The following MYT1L variants were observed in gnomAD, a reference collection of about 807,000 sequenced individuals.
MYT1L encodes the protein myelin transcription factor 1 like, also known as myelin transcription factor 1-like protein.
In MYT1L, 12 loss-of-function variants were observed where a neutral mutation model predicts 126.7. The observed-to-expected ratio is 0.09, with a 90% CI of 0.06 to 0.15. MYT1L has a LOEUF of 0.15. Ranked by LOEUF, MYT1L falls within the 10% of genes least tolerant of loss-of-function variation. The pLI is 1.00. For synonymous variants in MYT1L, 541 were observed against 604.2 expected, an observed-to-expected ratio of 0.90 and a Z score of 1.53; for missense variants, 979 against 1,585.2, an observed-to-expected ratio of 0.62 and a Z score of 6.49.
intron 18 of MYT1L, among the ~76,000 whole-genome samples, chr2:1,879,475 G>A (rs537255913): frequency 3.5e-4 from 54 of 152,192 alleles, no homozygotes; most frequent in African/African-American, 1.3e-3. Flanking sequence ...CCACTCCAGA[G>A]GAGCCCAGAA....
intron 18 of MYT1L, among the ~76,000 whole-genome samples, chr2:1,870,153 A>C (rs1358799031): frequency 6.6e-6 from 1 of 152,172 alleles, no homozygotes; most frequent in African/African-American, 2.4e-5. Context: ...TCTGCATTGA[A>C]ACTATTCATT....
rs189739777 is a variant in MYT1L, at chr2:1,897,464, G to A, written c.2033-5177C>T. Among the ~76,000 whole-genome samples, 85 of 146,182 alleles carry A rather than the reference G, an allele frequency of 5.8e-4. 1 individual carries two copies. In the East Asian group the frequency reaches 0.015, roughly 26 times the overall value. ...CGCAAACAAAACTTTTTTTTTTTTTGTTTGTTTGTTTGTTTTGAGATGGAG... is the reference window on the plus strand; with the variant it reads ...CGCAAACAAAACTTTTTTTTTTTTTATTTGTTTGTTTGTTTTGAGATGGAG... On this transcript the variant is annotated intron_variant, in intron 14 of 24. Coordinates refer to ENST00000647738, the MANE Select transcript of MYT1L (RefSeq NM_001303052.2).
At chr2:2,292,788 A>G (rs1394751471) in intron 1 of MYT1L, among the ~76,000 whole-genome samples, 2 of 152,164 alleles carry the variant, frequency 1.3e-5, no homozygotes, top group African/African-American at 4.8e-5. Context: ...GACGTATTGG[A>G]TAAACTGTAT....
Position 1,877,145 on chromosome 2 carries a change from G to C in MYT1L, c.2711+9394C>G, listed in dbSNP as rs567244008. 2.6e-5 allele frequency among the ~76,000 whole-genome samples: 4 copies of C among 152,348 alleles called. No individual in the cohort carries two copies. The East Asian group carries it at 7.7e-4, about 29-fold the overall frequency. On this transcript the variant is annotated intron_variant, in intron 18 of 24. Transcript: ENST00000647738. ...CTCTGGGGAGACCCCCGTGGTTGCA[G>C]CTGCATAGGTGAGGAAGGAGCCCTC...
chr2:1,821,363 G>A (rs2038500335), intron 21 of MYT1L, among the ~76,000 whole-genome samples: 1 of 151,180 alleles, frequency 6.6e-6, no homozygotes, highest in African/African-American at 2.4e-5. Flanking sequence ...TATAATTTAT[G>A]GGACATTACC....
At chr2:1,895,253 A>G (rs34129061) in intron 14 of MYT1L, among the ~76,000 whole-genome samples, 7,157 of 152,338 alleles carry the variant, frequency 0.047, 198 homozygotes, top group African/African-American at 0.054. Flanking sequence ...AATTGGAAGA[A>G]TCAATATTGT....
At chr2:1,899,251 G>C (rs1008213418) in intron 14 of MYT1L, among the ~76,000 whole-genome samples, 4 of 152,260 alleles carry the variant, frequency 2.6e-5, no homozygotes, top group African/African-American at 9.6e-5. Context: ...TGCACTGTGG[G>C]AGCAACCGCA....
intron 9 of MYT1L, among the ~76,000 whole-genome samples, chr2:1,942,203 T>A (rs982923279): frequency 1.3e-5 from 2 of 152,062 alleles, no homozygotes; most frequent in African/African-American, 4.8e-5. Flanking sequence ...ACCACAAAAC[T>A]CCCACCTCTT....
chr2:2,212,659 C>A (rs775225022), intron 2 of MYT1L, among the ~76,000 whole-genome samples: 22 of 152,170 alleles, frequency 1.4e-4, no homozygotes, highest in Non-Finnish European at 2.9e-4. Context: ...TTCCTCCTCA[C>A]TTTTTACTTC....
chr2:2,293,231 GC>G (rs2095624836), intron 1 of MYT1L, among the ~76,000 whole-genome samples: 1 of 152,150 alleles, frequency 6.6e-6, no homozygotes, highest in African/African-American at 2.4e-5. Context: ...AATCCAAAGG[GC>G]TGAGGGATAA....
intron 1 of MYT1L, among the ~76,000 whole-genome samples, chr2:2,295,751 GAGAC>G (rs756813873): frequency 0.22 from 18,296 of 83,356 alleles, 2,947 homozygotes; most frequent in Non-Finnish European, 0.35. Flanking sequence ...CAGAGAGAGA[GAGAC>G]AGACAGACAG....
intron 20 of MYT1L, among the ~76,000 whole-genome samples, chr2:1,840,273 C>G (rs1366816385): frequency 6.6e-6 from 1 of 152,076 alleles, no homozygotes; most frequent in Non-Finnish European, 1.5e-5. Flanking sequence ...ACAAACACCC[C>G]CTTGGGCAGC....
At chr2:2,129,766 T>C (rs1009235730) in intron 3 of MYT1L, among the ~76,000 whole-genome samples, 9 of 151,558 alleles carry the variant, frequency 5.9e-5, no homozygotes, top group African/African-American at 2.2e-4. Context: ...ATTAGCCAGG[T>C]GTGGTGGCGG....
chr2:2,128,101 G>C lies in MYT1L; in HGVS notation c.-304+44771C>G, dbSNP rs1264156845. Among the ~76,000 whole-genome samples, 2 of 152,148 alleles carry C rather than the reference G, an allele frequency of 1.3e-5. 1 individual carries two copies. The highest frequency in any genetic ancestry group is 2.9e-5 in the Non-Finnish European group (2 of 68,028). On this transcript the variant is annotated intron_variant, in intron 3 of 24. Transcript: ENST00000647738. ...TCCTGACGTTAAGAAAGATAGTGAT[G>C]CAAACCAGAAAGGTCACCAGCTCTG...
intron 3 of MYT1L, among the ~76,000 whole-genome samples, chr2:2,107,642 T>C (rs968450468): frequency 1.3e-5 from 2 of 152,160 alleles, no homozygotes; most frequent in Admixed American, 6.5e-5. Context: ...TTTGTCTCCA[T>C]TGTACTTGGC....
intron 2 of MYT1L, among the ~76,000 whole-genome samples, chr2:2,245,693 C>G (rs2094521093): frequency 6.6e-6 from 1 of 152,018 alleles, no homozygotes; most frequent in Non-Finnish European, 1.5e-5. Context: ...CTCCAGGACT[C>G]TACAGGGCTC....
chr2:1,854,940 C>G (rs1332462717), intron 18 of MYT1L, among the ~76,000 whole-genome samples: 1 of 152,200 alleles, frequency 6.6e-6, no homozygotes, highest in Non-Finnish European at 1.5e-5. Context: ...CTGGCTGTGT[C>G]TCCCTGAGAT....
rs542471285 is a variant in MYT1L at position 1,910,166 on chromosome 2, G to T, written c.1817+74C>A. 1.5e-6 allele frequency: 2 copies of T among 1,346,516 alleles called. No homozygotes were observed. Among genetic ancestry groups the T allele is most frequent in the South Asian group, 1.2e-5 (1 of 82,636 alleles). 83.4% of individuals were successfully genotyped at this position (1,346,516 alleles called of 1,614,324 possible). A position where few individuals can be genotyped will look rare whatever the true frequency, so the allele number is the denominator to read the frequency against. On this transcript the variant is annotated intron_variant, in intron 13 of 24. Coordinates refer to ENST00000647738, the MANE Select transcript of MYT1L (RefSeq NM_001303052.2). The surrounding 1 kb of genome is among the most constrained non-coding windows in gnomAD (Gnocchi z 4.8). The stretch of plus-strand genomic sequence containing the variant: ...GCTGCTGTAGGGACATGCCCTGAGC[G>T]GGTGTCCCCAGCGCTCCGAGGTGTG...
At position 1,903,289 on chromosome 2, in the gene MYT1L, A is replaced by G; in HGVS notation, c.1823T>C (p.Met608Thr). 1 of 1,611,672 alleles carries G rather than the reference A, an allele frequency of 6.2e-7. No homozygotes were observed. The highest frequency in any genetic ancestry group is 1.7e-5 in the Admixed American group (1 of 59,590). ...AATCTCCAGCTGCTTCACAAAGCAC[A>G]TTGGCCTGGAAGTAAACAAGAAAAC... Reference protein sequence around the residue: ...SQASDRVLRPMCFVKQLEIPQ... With the variant: ...SQASDRVLRPTCFVKQLEIPQ... The change falls in exon 14 of 25, where the codon ATG becomes ACG. Residue 608 changes from methionine to threonine, a missense_variant. Transcript: ENST00000647738.
Sources: gnomAD v4.1 joint callset for allele counts (sites outside exome capture counted in the v4.1 genomes callset) on GRCh38, gnomAD v4.1.1 for gene constraint, Gnocchi (gnomAD v3.1) non-coding constraint, MANE v1.5 for transcripts, NCBI Gene and HGNC (gene_info 2026-07-23, HGNC 2026-07-21) for gene names.